VWA8: variants seen among roughly 807,000 people sequenced by gnomAD.
The protein encoded by VWA8 is von Willebrand factor A domain containing 8.
A neutral mutation model predicts 241.5 loss-of-function variants in VWA8; 221 were observed. The observed-to-expected ratio is 0.91, with a 90% CI of 0.82 to 1.02. The LOEUF is 1.02. VWA8 is among the 50% of genes least tolerant of loss of function. VWA8 has a pLI of 0.00. For missense variants in VWA8, 2,322 were observed against 2,328.7 expected, an observed-to-expected ratio of 1.00 and a Z score of 0.06; for synonymous variants, 852 against 827.1, an observed-to-expected ratio of 1.03 and a Z score of -0.52.
At chr13:41,822,790 C>T (rs1345550827) in intron 14 of VWA8, among the ~76,000 whole-genome samples, 3 of 152,136 alleles carry the variant, frequency 2.0e-5, no homozygotes, top group Admixed American at 1.3e-4. Flanking sequence ...AACAAACTAT[C>T]AATGTACATA....
rs531815325 is a variant in VWA8, at chr13:41,643,559, A to T, written c.4611+27387T>A. ...CACTTCTACCCTGCCACTTTCCACT[A>T]TTAACAGGGCTTAGGGAGCTAACGT... is the stretch of plus-strand genomic sequence containing the variant. On this transcript the variant is annotated intron_variant, in intron 37 of 44. Coordinates refer to ENST00000379310, the MANE Select transcript of VWA8 (RefSeq NM_015058.2). Among the ~76,000 whole-genome samples the T allele has an allele frequency of 4.4e-4, 67 of 152,312 alleles. 1 individual carries two copies. Among genetic ancestry groups the T allele is most frequent in the African/African-American group, 1.6e-3 (66 of 41,562 alleles).
At chr13:41,634,924 C>T (rs893834601) in intron 37 of VWA8, among the ~76,000 whole-genome samples, 5 of 152,060 alleles carry the variant, frequency 3.3e-5, no homozygotes, top group African/African-American at 4.8e-5. Flanking sequence ...TTTTGAAAGG[C>T]AGCTTGATGT....
intron 1 of VWA8, among the ~76,000 whole-genome samples, chr13:41,956,495 A>G (rs1465255325): frequency 3.3e-5 from 5 of 152,342 alleles, no homozygotes; most frequent in Admixed American, 3.3e-4. Flanking sequence ...ATGGGGTCAG[A>G]ATATCCTCAG....
At chr13:41,585,812 C>T (rs1054130075) in intron 42 of VWA8, among the ~76,000 whole-genome samples, 36 of 146,936 alleles carry the variant, frequency 2.5e-4, no homozygotes, top group African/African-American at 8.6e-4. Flanking sequence ...TGCAGTGAGC[C>T]GAGATCACAC....
chr13:41,752,795 A>G (rs2045665975), intron 21 of VWA8, among the ~76,000 whole-genome samples: 1 of 152,190 alleles, frequency 6.6e-6, no homozygotes, highest in African/African-American at 2.4e-5. Flanking sequence ...ATTCCTCACA[A>G]CAACCCTGCA....
chr13:41,704,307 C>T (rs946781513), intron 26 of VWA8, among the ~76,000 whole-genome samples: 7 of 152,198 alleles, frequency 4.6e-5, no homozygotes, highest in Non-Finnish European at 1.0e-4. Context: ...ACTTTCAGCA[C>T]TAATCCACCA....
At chr13:41,718,095 T>C (rs2137844637) in intron 26 of VWA8, among the ~76,000 whole-genome samples, 1 of 152,152 alleles carries the variant, frequency 6.6e-6, no homozygotes, top group African/African-American at 2.4e-5. Flanking sequence ...CCAATTAATA[T>C]GTATTTTAAT....
intron 2 of VWA8, among the ~76,000 whole-genome samples, chr13:41,916,402 A>G (rs1876256196): frequency 6.6e-6 from 1 of 152,202 alleles, no homozygotes; most frequent in Non-Finnish European, 1.5e-5. Flanking sequence ...CTTTCCCTAC[A>G]AGTGTGGACC....
intron 12 of VWA8, among the ~76,000 whole-genome samples, chr13:41,838,091 T>C (rs913617142): frequency 6.6e-6 from 1 of 152,140 alleles, no homozygotes; most frequent in Admixed American, 6.5e-5. Flanking sequence ...AATAAAAACA[T>C]CCTGTTAAAA....
At chr13:41,919,196 C>A (rs1876397037) in intron 2 of VWA8, among the ~76,000 whole-genome samples, 1 of 152,182 alleles carries the variant, frequency 6.6e-6, no homozygotes, top group Admixed American at 6.5e-5. Flanking sequence ...GAAACTTTGC[C>A]TCTGCCAAGG....
At chr13:41,712,464 A>G (rs998413370) in intron 26 of VWA8, among the ~76,000 whole-genome samples, 1 of 152,226 alleles carries the variant, frequency 6.6e-6, no homozygotes, top group African/African-American at 2.4e-5. Context: ...ATCAATGACA[A>G]ATAACATTAA....
At chr13:41,739,694 G>A (rs2045551530) in intron 21 of VWA8, among the ~76,000 whole-genome samples, 1 of 151,976 alleles carries the variant, frequency 6.6e-6, no homozygotes, top group East Asian at 1.9e-4. Context: ...ATTTTATTGA[G>A]TCTTTATGAT....
intron 2 of VWA8, among the ~76,000 whole-genome samples, chr13:41,921,235 C>G (rs141524262): frequency 4.6e-5 from 7 of 152,202 alleles, no homozygotes; most frequent in African/African-American, 1.7e-4. Flanking sequence ...CAAAATTCAA[C>G]AGCCCTTCAT....
chr13:41,947,746 T>C (rs1458882489), intron 2 of VWA8, among the ~76,000 whole-genome samples: 1 of 151,584 alleles, frequency 6.6e-6, no homozygotes, highest in Non-Finnish European at 1.5e-5. Flanking sequence ...ACCAGCCTGA[T>C]CAATGTGGTG....
Position 41,910,561 on chromosome 13 carries a change from G to A in VWA8, c.372+1477C>T, listed in dbSNP as rs116633652. Among the ~76,000 whole-genome samples the A allele has an allele frequency of 6.2e-3, 943 of 151,164 alleles. 6 individuals carry two copies. The highest frequency in any genetic ancestry group is 0.022 in the African/African-American group (895 of 41,128). On this transcript the variant is annotated intron_variant, in intron 3 of 44. Coordinates refer to ENST00000379310, the MANE Select transcript of VWA8 (RefSeq NM_015058.2). ...ATCAAGCCACTGCACTCCAGCCTGG[G>A]CGACAAAGTGGGACTCCATCTCAAA...
intron 1 of VWA8, 55 bp downstream of exon 1, chr13:41,960,798 G>T: frequency 6.8e-7 from 1 of 1,474,474 alleles, no homozygotes; most frequent in South Asian, 1.3e-5. Context: ...GGCGCGCGGG[G>T]ACCCGGCACG....
Position 41,885,899 on chromosome 13 carries a change from TCA to T in VWA8, c.975+19_975+20del. On this transcript the variant is annotated intron_variant, in intron 8 of 44. Coordinates refer to ENST00000379310, the MANE Select transcript of VWA8 (RefSeq NM_015058.2). ...TTTTTAACATATTTGGGTATGCCAG[TCA>T]TTAATTTATTTTACTTACCAAGATT... The T allele has an allele frequency of 6.6e-7, 1 of 1,521,282 alleles. No individual in the cohort carries two copies. The highest frequency in any genetic ancestry group is 2.3e-5 in the East Asian group (1 of 43,770). The allele number at this position is 1,521,282 out of a possible 1,614,324, so 94.2% of individuals were successfully genotyped here.
intron 4 of VWA8, among the ~76,000 whole-genome samples, chr13:41,905,897 T>C (rs1441504970): frequency 3.9e-5 from 6 of 152,114 alleles, no homozygotes; most frequent in Non-Finnish European, 7.4e-5. Context: ...CCAGATCTCA[T>C]CATTGTAAAG....
chr13:41,646,441 T>G (rs1164763916), intron 37 of VWA8, among the ~76,000 whole-genome samples: 1 of 152,212 alleles, frequency 6.6e-6, no homozygotes, highest in African/African-American at 2.4e-5. Context: ...TAATTCTCCA[T>G]ATTAGGTATT....
Sources: allele counts gnomAD v4.1 joint callset (sites outside exome capture counted in the v4.1 genomes callset), GRCh38; gene constraint gnomAD v4.1.1; transcripts MANE v1.5; gene names NCBI Gene and HGNC (gene_info 2026-07-23, HGNC 2026-07-21).